HPCAL1: variants seen among roughly 807,000 people sequenced by gnomAD.
HPCAL1 encodes hippocalcin like 1, also known as hippocalcin-like protein 1.
HPCAL1 carries 8 observed loss-of-function variants against 17.1 expected under a neutral mutation model. That is an observed-to-expected ratio of 0.47 (90% confidence interval 0.27 to 0.84). HPCAL1 has a LOEUF of 0.84. Among genes scored for constraint, HPCAL1 ranks in the 40% least tolerant of loss-of-function variants. The probability of loss-of-function intolerance (pLI) is 0.13; values close to 1 mark genes in which losing one functional copy is unlikely to be tolerated. For missense variants in HPCAL1, 165 were observed against 271.1 expected (o/e 0.61, Z 2.75); for synonymous variants, 112 against 111.4 (o/e 1.01, Z -0.03).
chr2:10,370,967 G>A (rs967242504), intron 1 of HPCAL1, among the ~76,000 whole-genome samples: 2 of 152,326 alleles, frequency 1.3e-5, no homozygotes, highest in East Asian at 3.9e-4. Flanking sequence ...GGGATCCGAG[G>A]CAGAGCTGGC....
intron 1 of HPCAL1, among the ~76,000 whole-genome samples, chr2:10,340,076 G>A (rs984673249): frequency 3.9e-5 from 6 of 152,216 alleles, no homozygotes; most frequent in Non-Finnish European, 5.9e-5. Flanking sequence ...CTCATAGTAT[G>A]AGCCTTCAAC....
At chr2:10,391,245 G>C (rs1321241633) in intron 1 of HPCAL1, among the ~76,000 whole-genome samples, 1 of 152,142 alleles carries the variant, frequency 6.6e-6, no homozygotes, top group Non-Finnish European at 1.5e-5. Context: ...TTTGCAGTCA[G>C]CTAAGTTGGT....
intron 4 of HPCAL1, chr2:10,424,554 C>T (rs1171320212): frequency 1.3e-5 from 6 of 470,994 alleles, no homozygotes; most frequent in East Asian, 1.4e-4. Context: ...CATGGTCACT[C>T]GCTGCCCGAA....
chr2:10,326,686 C>T (rs1280294411), intron 1 of HPCAL1, among the ~76,000 whole-genome samples: 4 of 152,196 alleles, frequency 2.6e-5, no homozygotes, highest in Non-Finnish European at 4.4e-5. Flanking sequence ...GGAGGGATTT[C>T]TGTCCAGCGC....
rs543129417 is a variant in HPCAL1, at chr2:10,384,789, T to A, written c.-110-12046T>A. On this transcript the variant is annotated intron_variant, in intron 1 of 4. Coordinates refer to ENST00000307845, the MANE Select transcript of HPCAL1 (RefSeq NM_002149.4). The surrounding 1 kb of genome is among the most constrained non-coding windows in gnomAD (Gnocchi z 4.4). Reference sequence around the variant, plus strand: ...AAGACTTCTCTTTCTGATTGTGAAGTGAGCTGAGCAGACTGAAATCAAAGA... The same window carrying A: ...AAGACTTCTCTTTCTGATTGTGAAGAGAGCTGAGCAGACTGAAATCAAAGA... 6.6e-6 allele frequency among the ~76,000 whole-genome samples: 1 copy of A among 152,154 alleles called. No homozygotes were observed. Among genetic ancestry groups the A allele is most frequent in the South Asian group, 2.1e-4 (1 of 4,814 alleles).
intron 1 of HPCAL1, among the ~76,000 whole-genome samples, chr2:10,328,856 G>A (rs1420567102): frequency 6.6e-6 from 1 of 152,026 alleles, no homozygotes; most frequent in African/African-American, 2.4e-5. Flanking sequence ...GGGGGTTGCT[G>A]GGGAAGCTAA....
rs1295403458 is a variant in HPCAL1 at position 10,365,113 on chromosome 2, A to T, written c.-110-31722A>T. On this transcript the variant is annotated intron_variant, in intron 1 of 4. Coordinates refer to ENST00000307845, the MANE Select transcript of HPCAL1 (RefSeq NM_002149.4). This position sits in a 1 kb window ranked among gnomAD's most constrained non-coding sequence, Gnocchi z 4.8. The stretch of plus-strand genomic sequence containing the variant: ...AAGGGATTCATGTACCCCTATCCCC[A>T]TCCCTAAATGAGAGTGTCCACACCA... Among the ~76,000 whole-genome samples the T allele has an allele frequency of 1.3e-5, 2 of 152,070 alleles. No individual in the cohort carries two copies. The highest frequency in any genetic ancestry group is 2.9e-5 in the Non-Finnish European group (2 of 67,994).
intron 2 of HPCAL1, among the ~76,000 whole-genome samples, chr2:10,398,959 TG>T (rs1270675897): frequency 6.6e-6 from 1 of 151,690 alleles, no homozygotes; most frequent in Non-Finnish European, 1.5e-5. Flanking sequence ...AGCTAGAGAG[TG>T]GGGGAACATC....
intron 1 of HPCAL1, among the ~76,000 whole-genome samples, chr2:10,358,050 C>T (rs531639203): frequency 2.6e-5 from 4 of 152,250 alleles, no homozygotes; most frequent in Non-Finnish European, 5.9e-5. Flanking sequence ...TGCTGTATAG[C>T]AGCCCCGGTG....
intron 1 of HPCAL1, among the ~76,000 whole-genome samples, chr2:10,324,809 T>G (rs933802227): frequency 1.5e-4 from 19 of 130,688 alleles, no homozygotes; most frequent in African/African-American, 5.1e-4. Context: ...GGTTTGCTGG[T>G]TTTTGTGTTT....
intron 1 of HPCAL1, among the ~76,000 whole-genome samples, chr2:10,378,660 C>T (rs183660988): frequency 6.6e-6 from 1 of 152,314 alleles, no homozygotes; most frequent in African/African-American, 2.4e-5. Context: ...AGGCCCCACC[C>T]CCTACCACCA....
rs1002788529 is a variant in HPCAL1 at position 10,417,169 on chromosome 2, G to C, written c.-24-2565G>C. ...CCTGAAGTCAGGAGTTCGAGACCAG[G>C]TTGGCCAACATGGTGAAACCCCATC... is the stretch of plus-strand genomic sequence containing the variant. On this transcript the variant is annotated intron_variant, in intron 2 of 4. Coordinates refer to ENST00000307845, the MANE Select transcript of HPCAL1 (RefSeq NM_002149.4). Among the ~76,000 whole-genome samples, 3 of 152,018 alleles carry C rather than the reference G, an allele frequency of 2.0e-5. No individual in the cohort carries two copies. In the East Asian group the frequency reaches 5.8e-4, roughly 29 times the overall value.
chr2:10,368,181 T>G (rs1212107689), intron 1 of HPCAL1, among the ~76,000 whole-genome samples: 6 of 150,450 alleles, frequency 4.0e-5, no homozygotes, highest in Admixed American at 4.0e-4. Context: ...GTGTGTAGGT[T>G]TGTGCATGTG....
intron 2 of HPCAL1, among the ~76,000 whole-genome samples, chr2:10,411,570 G>GA (rs1449688013): frequency 6.6e-6 from 1 of 152,166 alleles, no homozygotes; most frequent in Non-Finnish European, 1.5e-5. Context: ...GACTCCCCTG[G>GA]ACCCCACTTT....
chr2:10,424,368 GC>G, intron 4 of HPCAL1: 1 of 404,368 alleles, frequency 2.5e-6, no homozygotes, highest in Non-Finnish European at 5.2e-6. Context: ...CTCCAGCCTA[GC>G]AGGGCACCTG....
rs140834643 is a variant in HPCAL1 at position 10,396,828 on chromosome 2, C to G, written c.-110-7C>G. On this transcript the variant is annotated splice_region_variant and splice_polypyrimidine_tract_variant and intron_variant, in intron 1 of 4. Transcript: ENST00000307845. ...AGCCTGCGTGACCTGTCGCTCTTCTCTTCCAGGGGCATGGTCTAGTGGCCC... is the reference window on the plus strand; with the variant it reads ...AGCCTGCGTGACCTGTCGCTCTTCTGTTCCAGGGGCATGGTCTAGTGGCCC... The G allele has an allele frequency of 5.5e-3, 832 of 152,436 alleles. 10 individuals carry two copies. Among genetic ancestry groups the G allele is most frequent in the African/African-American group, 0.019 (807 of 41,578 alleles). 9.4% of individuals were successfully genotyped at this position (152,436 alleles called of 1,614,324 possible).
At chr2:10,306,629 T>A (rs1238584353) in intron 1 of HPCAL1, among the ~76,000 whole-genome samples, 2 of 152,152 alleles carry the variant, frequency 1.3e-5, no homozygotes, top group Non-Finnish European at 2.9e-5. Context: ...TTCAAATCAC[T>A]TTCTACAAAG....
chr2:10,321,963 G>A (rs954189187), intron 1 of HPCAL1, among the ~76,000 whole-genome samples: 2 of 152,130 alleles, frequency 1.3e-5, no homozygotes, highest in Non-Finnish European at 2.9e-5. Context: ...GTTTTTTGTG[G>A]ATGTATGTTT....
chr2:10,375,757 A>G (rs952232207), intron 1 of HPCAL1, among the ~76,000 whole-genome samples: 1 of 152,228 alleles, frequency 6.6e-6, no homozygotes, highest in Admixed American at 6.5e-5. Context: ...ACACAGCCCC[A>G]TGACAGCCCC....
Sources: allele counts gnomAD v4.1 joint callset (sites outside exome capture counted in the v4.1 genomes callset), GRCh38; gene constraint gnomAD v4.1.1; non-coding constraint Gnocchi (gnomAD v3.1); transcripts MANE v1.5; gene names NCBI Gene and HGNC (gene_info 2026-07-23, HGNC 2026-07-21).